Variants in WARS2 observed in about 807,000 individuals in gnomAD.
WARS2 encodes the protein tryptophan--tRNA ligase, mitochondrial.
WARS2 carries 28 observed loss-of-function variants against 36.5 expected under a neutral mutation model. That is an observed-to-expected ratio of 0.77 (90% CI 0.57 to 1.05). The LOEUF (loss-of-function observed/expected upper bound fraction) is 1.05, where lower values mean the gene tolerates loss of function less well. Ranked by LOEUF, WARS2 falls within the 50% of genes least tolerant of loss-of-function variation. WARS2 has a pLI of 0.00. For synonymous variants in WARS2, 174 were observed against 178.4 expected, an observed-to-expected ratio of 0.98 and a Z score of 0.20; for missense variants, 435 against 456.8, an observed-to-expected ratio of 0.95 and a Z score of 0.44.
At chr1:119,038,676 T>A (rs1030169812) in intron 4 of WARS2, among the ~76,000 whole-genome samples, 8 of 152,068 alleles carry the variant, frequency 5.3e-5, no homozygotes, top group Non-Finnish European at 1.5e-5. Flanking sequence ...TTGTTTTCAG[T>A]CTTCTTTTTG....
intron 2 of WARS2, chr1:119,062,737 T>G (rs891593344): frequency 6.4e-6 from 1 of 157,028 alleles, no homozygotes; most frequent in African/African-American, 2.4e-5. Context: ...TTTTGCTTCT[T>G]CCTCATTTTT....
rs549977341 is a variant in WARS2, at chr1:119,032,794, C to T, written c.*117G>A. 4 of 939,820 alleles carry T rather than the reference C, an allele frequency of 4.3e-6. No individual in the cohort carries two copies. In the African/African-American group the frequency reaches 6.6e-5, roughly 16 times the overall value. 58.2% of individuals were successfully genotyped at this position (939,820 alleles called of 1,614,324 possible). ...ATATTCATCAAATAAAGCCAATAAT[C>T]AGCTATACCAAATTAAATGTCCCAA... On this transcript the variant is annotated 3_prime_UTR_variant, in exon 6 of 6. Transcript: ENST00000235521.
intron 1 of WARS2, among the ~76,000 whole-genome samples, chr1:119,104,135 A>G (rs1053951343): frequency 4.0e-5 from 6 of 150,950 alleles, no homozygotes; most frequent in Non-Finnish European, 5.9e-5. Context: ...TCCACTTTCC[A>G]TATTTCCATA....
At chr1:119,037,302 C>T (rs1323273675) in intron 4 of WARS2, among the ~76,000 whole-genome samples, 1 of 147,538 alleles carries the variant, frequency 6.8e-6, no homozygotes, top group African/African-American at 2.6e-5. Flanking sequence ...TTCCTTTTTG[C>T]ATCTATGATA....
intron 1 of WARS2, among the ~76,000 whole-genome samples, chr1:119,090,198 TC>T (rs1462117993): frequency 2.6e-5 from 4 of 152,228 alleles, no homozygotes; most frequent in Non-Finnish European, 4.4e-5. Flanking sequence ...GTTATAGTTT[TC>T]TTTTTATATA....
At chr1:119,094,942 A>G (rs1277524029) in intron 1 of WARS2, among the ~76,000 whole-genome samples, 1 of 152,178 alleles carries the variant, frequency 6.6e-6, no homozygotes, top group African/African-American at 2.4e-5. Flanking sequence ...TCATTAATTC[A>G]CCATCCCTCT....
At position 119,092,243 on chromosome 1, in the gene WARS2, G is replaced by A. The variant is rs181240116; in HGVS notation, c.91-15636C>T. On this transcript the variant is annotated intron_variant, in intron 1 of 5. Transcript: ENST00000235521. ...TTGTTTGCCTACCTAACTTAATGTA[G>A]GGATGATATGAGAATACGTTATCAC... Among the ~76,000 whole-genome samples the A allele has an allele frequency of 5.6e-4, 85 of 152,258 alleles. 2 individuals are homozygous for A. Among genetic ancestry groups the A allele is most frequent in the Admixed American group, 5.1e-3 (78 of 15,290 alleles).
At chr1:119,090,125 A>G (rs1022918009) in intron 1 of WARS2, among the ~76,000 whole-genome samples, 2 of 149,762 alleles carry the variant, frequency 1.3e-5, no homozygotes, top group Non-Finnish European at 3.0e-5. Flanking sequence ...TGAACTTTAA[A>G]GTTGAAAAAA....
At chr1:119,140,177 G>A (rs141199236) in intron 1 of WARS2, 29 of 169,106 alleles carry the variant, frequency 1.7e-4, no homozygotes, top group Non-Finnish European at 3.2e-4. Context: ...TGTTGTTAGG[G>A]TAAGGAGGGT....
Position 119,033,130 on chromosome 1 carries a change from C to T in WARS2, c.864G>A (p.Glu288=). ...TGCCCGCGCTGCGGCGCACCACTTC[C>T]TCCACGGAGAGCCCCGTCACCGCGG... ...VHAAVTGLSV[E]EVVRRSAGMN... Residue 288 remains glutamate (E), a synonymous_variant, in exon 6 of 6, where the codon GAG becomes GAA. Coordinates refer to ENST00000235521, the MANE Select transcript of WARS2 (RefSeq NM_015836.4). 7 of 1,614,192 alleles carry T rather than the reference C, an allele frequency of 4.3e-6. No individual in the cohort carries two copies. The highest frequency in any genetic ancestry group is 5.9e-6 in the Non-Finnish European group (7 of 1,180,058).
intron 2 of WARS2, among the ~76,000 whole-genome samples, chr1:119,075,577 A>T (rs1222634379): frequency 6.6e-6 from 1 of 152,358 alleles, no homozygotes; most frequent in Admixed American, 6.5e-5. Flanking sequence ...GGTTGCATAT[A>T]TACATGCATG....
intron 1 of WARS2, among the ~76,000 whole-genome samples, chr1:119,123,465 G>GC (rs1179769545): frequency 7.2e-5 from 11 of 152,180 alleles, no homozygotes; most frequent in Non-Finnish European, 1.3e-4. Flanking sequence ...AAATCTGCCT[G>GC]CAAGTAGAGA....
intron 1 of WARS2, among the ~76,000 whole-genome samples, chr1:119,100,346 T>G (rs1460650864): frequency 1.3e-5 from 2 of 152,172 alleles, no homozygotes; most frequent in Admixed American, 6.5e-5. Flanking sequence ...CTGGTGGGAA[T>G]GGAAACTAGT....
At chr1:119,072,394 T>C (rs1473143956) in intron 2 of WARS2, among the ~76,000 whole-genome samples, 1 of 152,154 alleles carries the variant, frequency 6.6e-6, no homozygotes, top group Non-Finnish European at 1.5e-5. Context: ...CACAGATTAG[T>C]GTAAAGAGAA....
intron 1 of WARS2, among the ~76,000 whole-genome samples, chr1:119,102,879 TTTA>T (rs1423989687): frequency 1.3e-5 from 2 of 152,230 alleles, no homozygotes; most frequent in Admixed American, 1.3e-4. Flanking sequence ...ACTGACACTG[TTTA>T]TTATCATCCT....
chr1:119,135,747 T>TAGATAGAG (rs1553183285), intron 1 of WARS2, among the ~76,000 whole-genome samples: 7,298 of 115,732 alleles, frequency 0.063, 220 homozygotes, highest in Non-Finnish European at 0.084. Flanking sequence ...GATAGATAGA[T>TAGATAGAG]AGATAGAGAG....
chr1:119,037,124 G>A (rs542109943), intron 4 of WARS2, among the ~76,000 whole-genome samples: 1 of 151,962 alleles, frequency 6.6e-6, no homozygotes, highest in East Asian at 1.9e-4. Context: ...CTTTTAATGT[G>A]TCTTCTCTTT....
chr1:119,050,822 CA>C (rs1293331998), intron 2 of WARS2, among the ~76,000 whole-genome samples: 1 of 152,010 alleles, frequency 6.6e-6, no homozygotes, highest in African/African-American at 2.4e-5. Flanking sequence ...AGATTGACAC[CA>C]AATCCAAGAT....
intron 1 of WARS2, among the ~76,000 whole-genome samples, chr1:119,137,116 T>C (rs927144173): frequency 2.6e-5 from 4 of 152,166 alleles, no homozygotes; most frequent in Non-Finnish European, 4.4e-5. Context: ...GTGAAAAAAC[T>C]AGTGAAATTT....
Sources: allele counts gnomAD v4.1 joint callset (sites outside exome capture counted in the v4.1 genomes callset), GRCh38; gene constraint gnomAD v4.1.1; transcripts MANE v1.5; gene names NCBI Gene and HGNC (gene_info 2026-07-23, HGNC 2026-07-21).